GRIN3B: variants seen among roughly 807,000 people sequenced by gnomAD.
The protein encoded by GRIN3B is glutamate receptor ionotropic, NMDA 3B.
A neutral mutation model predicts 66.0 loss-of-function variants in GRIN3B; 77 were observed. The ratio of observed to expected loss-of-function variants is 1.17; its 90% CI spans 0.97 to 1.41. The LOEUF is 1.41. GRIN3B is among the 40% of genes most tolerant of loss of function. The probability of loss-of-function intolerance (pLI) is 0.00; values close to 1 mark genes in which losing one functional copy is unlikely to be tolerated. For synonymous variants in GRIN3B, 823 were observed against 749.7 expected, an observed-to-expected ratio of 1.10 and a Z score of -1.60; for missense variants, 1,787 against 1,564.5, an observed-to-expected ratio of 1.14 and a Z score of -2.40.
At position 1,007,112 on chromosome 19, in the gene GRIN3B, G is replaced by T. The variant is rs2038758159; in HGVS notation, c.2053-516G>T. On this transcript the variant is annotated intron_variant, in intron 3 of 8. Coordinates refer to ENST00000234389, the MANE Select transcript of GRIN3B (RefSeq NM_138690.3). This position sits in a 1 kb window ranked among gnomAD's most constrained non-coding sequence, Gnocchi z 4.4. ...CGACGCTGGGCCCCAACCTGGGTAG[G>T]AGCTGTGGAGGGGTGAGCAGTGGGC... is the stretch of plus-strand genomic sequence containing the variant. Among the ~76,000 whole-genome samples, 1 of 152,170 alleles carries T rather than the reference G, an allele frequency of 6.6e-6. No homozygotes were observed. Among genetic ancestry groups the T allele is most frequent in the South Asian group, 2.1e-4 (1 of 4,830 alleles).
rs141844970 is a variant in GRIN3B at position 1,005,390 on chromosome 19, G to A, written c.1889G>A (p.Arg630His). The A allele has an allele frequency of 9.9e-6, 16 of 1,613,586 alleles. No homozygotes were observed. The highest frequency in any genetic ancestry group is 3.3e-5 in the Admixed American group (2 of 60,004). The change falls in exon 3 of 9, where the codon CGC becomes CAC. Residue 630 changes from arginine to histidine, a missense_variant. By Grantham distance (29) the Arg-to-His change is conservative. Transcript: ENST00000234389. This position sits in a 1 kb window ranked among gnomAD's most constrained non-coding sequence, Gnocchi z 5.2. ...CTGTGCTACGCCATCCTCTTCAGACGCACCGTGTCCAGCAAGACGCCCAAG... is the reference window on the plus strand; with the variant it reads ...CTGTGCTACGCCATCCTCTTCAGACACACCGTGTCCAGCAAGACGCCCAAG... The part of the protein sequence containing the change: ...LNLCYAILFR[R>H]TVSSKTPKCP...
chr19:1,009,684 A>G lies in GRIN3B; in HGVS notation c.*82A>G, dbSNP rs1179083154. The G allele has an allele frequency of 1.7e-6, 2 of 1,154,348 alleles. No homozygotes were observed. The highest frequency in any genetic ancestry group is 2.3e-6 in the Non-Finnish European group (2 of 882,378). 71.5% of individuals were successfully genotyped at this position (1,154,348 alleles called of 1,614,324 possible). A position where few individuals can be genotyped will look rare whatever the true frequency, so the allele number is the denominator to read the frequency against. On this transcript the variant is annotated 3_prime_UTR_variant, in exon 9 of 9. Transcript: ENST00000234389. ...CAACAGACAGTTTATTCTATATACA[A>G]ACACAATTTTGTACACTGCAATTAA...
chr19:1,002,897 A>T, intron 1 of GRIN3B: 3 of 411,978 alleles, frequency 7.3e-6, no homozygotes, highest in Non-Finnish European at 4.3e-6. Context: ...AAAAACACCA[A>T]GTGTGCCCAT....
chr19:1,005,199 C>T lies in GRIN3B; in HGVS notation c.1698C>T (p.Ile566=), dbSNP rs368382957. The change falls in exon 3 of 9, where the codon ATC becomes ATT. Residue 566 remains isoleucine, a synonymous_variant. Transcript: ENST00000234389. This position sits in a 1 kb window ranked among gnomAD's most constrained non-coding sequence, Gnocchi z 5.2. Reference sequence around the variant, plus strand: ...GGGCACGGGACACGGCCTCACCCATCGGTGCCTTTATGTGGCCCCTGCACT... The same window carrying T: ...GGGCACGGGACACGGCCTCACCCATTGGTGCCTTTATGTGGCCCCTGCACT... ...MVRARDTASP[I]GAFMWPLHWS... The T allele has an allele frequency of 2.2e-5, 35 of 1,613,430 alleles. No homozygotes were observed. The East Asian group carries it at 3.8e-4, about 17-fold the overall frequency.
chr19:1,007,642 G>A lies in GRIN3B; in HGVS notation c.2067G>A (p.Ala689=), dbSNP rs1195193059. The change falls in exon 4 of 9, where the codon GCG becomes GCA. Residue 689 remains alanine, a synonymous_variant. Transcript: ENST00000234389. This position sits in a 1 kb window ranked among gnomAD's most constrained non-coding sequence, Gnocchi z 4.4. ...CCCCCGCGCAGCTGCACCACCCGGC[G>A]CAGGGCTTCCGCTTCGGCACCGTGT... The part of the protein sequence containing the change: ...GIHDPKLHHP[A]QGFRFGTVWE... 1.3e-6 allele frequency: 2 copies of A among 1,520,726 alleles called. No individual in the cohort carries two copies. The highest frequency in any genetic ancestry group is 1.8e-6 in the Non-Finnish European group (2 of 1,137,202). The allele number at this position is 1,520,726 out of a possible 1,614,324, so 94.2% of individuals were successfully genotyped here. A position where few individuals can be genotyped will look rare whatever the true frequency, so the allele number is the denominator to read the frequency against.
rs10401454 is a variant in GRIN3B at position 1,009,586 on chromosome 19, C to T, written c.3116C>T (p.Pro1039Leu). 8 of 1,439,790 alleles carry T rather than the reference C, an allele frequency of 5.6e-6. No individual in the cohort carries two copies. In the East Asian group the frequency reaches 1.4e-4, roughly 25 times the overall value. 89.2% of individuals were successfully genotyped at this position (1,439,790 alleles called of 1,614,324 possible). A position where few individuals can be genotyped will look rare whatever the true frequency, so the allele number is the denominator to read the frequency against. Residue 1039 changes from proline (P) to leucine (L), a missense_variant, in exon 9 of 9, where the codon CCG becomes CTG. Transcript: ENST00000234389. ...GAGGCCCCACCACACTCTGGCCGAC[C>T]GGGGAGCCAGGAATGAGGCGGCAGC... is the stretch of plus-strand genomic sequence containing the variant. ...PAEAPPHSGR[P>L]GSQE
rs766018848 is a variant in GRIN3B, at chr19:1,004,673, A to C, written c.1172A>C (p.Asp391Ala). ...TGGGCCACGGTGGGCAGCTGGCGGG[A>C]CGGCCAGCTGGACTTGGAACCGGGA... ...PAWATVGSWR[D>A]GQLDLEPGGA... is the part of the protein sequence containing the mutation. Residue 391 changes from aspartate (D) to alanine (A), a missense_variant, in exon 3 of 9, where the codon GAC (aspartate) becomes GCC (alanine). Physicochemically the swap from Asp to Ala is moderately radical, Grantham distance 126. Transcript: ENST00000234389. 5.6e-6 allele frequency: 9 copies of C among 1,596,262 alleles called. No individual in the cohort carries two copies. The highest frequency in any genetic ancestry group is 1.7e-4 in the Middle Eastern group (1 of 6,042).
Position 1,004,754 on chromosome 19 carries a change from G to T in GRIN3B, c.1253G>T (p.Arg418Leu). ...GGTGCCCAGGTCTGGCCCAAGCTGCGTGTGGTAACGCTGTTGGAACACCCA... is the reference window on the plus strand; with the variant it reads ...GGTGCCCAGGTCTGGCCCAAGCTGCTTGTGGTAACGCTGTTGGAACACCCA... ...PQGAQVWPKLRVVTLLEHPFV... is the reference protein window; with the variant it reads ...PQGAQVWPKLLVVTLLEHPFV... The change falls in exon 3 of 9, where the codon CGT (arginine) becomes CTT (leucine). Residue 418 changes from arginine to leucine, a missense_variant. Physicochemically the swap from Arg to Leu is moderately radical, Grantham distance 102. Transcript: ENST00000234389. 6.2e-7 allele frequency: 1 copy of T among 1,611,376 alleles called. No individual in the cohort carries two copies.
Position 1,003,259 on chromosome 19 carries a change from G to A in GRIN3B, c.556G>A (p.Gly186Ser), listed in dbSNP as rs772376172. ...LALCRTQDPGGLVALWTSRAG... is the reference protein window; with the variant it reads ...LALCRTQDPGSLVALWTSRAG... ...CCTGTGCCGCACTCAGGACCCCGGCGGCCTGGTGGCCCTCTGGACAAGCCG... is the reference window on the plus strand; with the variant it reads ...CCTGTGCCGCACTCAGGACCCCGGCAGCCTGGTGGCCCTCTGGACAAGCCG... Residue 186 changes from glycine to serine, a missense_variant, in exon 2 of 9, where the codon GGC becomes AGC. Transcript: ENST00000234389. The A allele has an allele frequency of 2.2e-5, 35 of 1,572,384 alleles. No homozygotes were observed. The highest frequency in any genetic ancestry group is 2.1e-4 in the African/African-American group (15 of 72,600).
intron 1 of GRIN3B, 32 bp downstream of exon 1, chr19:1,000,895 G>A: frequency 7.4e-7 from 1 of 1,355,746 alleles, no homozygotes; most frequent in Non-Finnish European, 9.4e-7. Context: ...AGGACGAGGG[G>A]GACCCGGGGC....
Position 1,007,693 on chromosome 19 carries a change from C to G in GRIN3B, c.2118C>G (p.Ile706Met), listed in dbSNP as rs2038767176. ...GGGAGAGCAGCGCCGAGGCGTACAT[C>G]AAGAAGAGCTTCCCCGACATGCACG... is the stretch of plus-strand genomic sequence containing the variant. ...TVWESSAEAY[I>M]KKSFPDMHAH... Residue 706 changes from isoleucine (I) to methionine (M), a missense_variant, in exon 4 of 9, where the codon ATC becomes ATG. Physicochemically the swap from Ile to Met is conservative, Grantham distance 10. Coordinates refer to ENST00000234389, the MANE Select transcript of GRIN3B (RefSeq NM_138690.3). This position sits in a 1 kb window ranked among gnomAD's most constrained non-coding sequence, Gnocchi z 4.4. The G allele has an allele frequency of 1.3e-6, 2 of 1,537,600 alleles. No homozygotes were observed. The highest frequency in any genetic ancestry group is 4.0e-5 in the Admixed American group (2 of 50,116).
chr19:1,000,759 G>T lies in GRIN3B; in HGVS notation c.322G>T (p.Glu108Ter), dbSNP rs2038676183. The T allele has an allele frequency of 1.4e-6, 2 of 1,445,468 alleles. No homozygotes were observed. The highest frequency in any genetic ancestry group is 2.7e-5 in the South Asian group (2 of 74,734). The allele number at this position is 1,445,468 out of a possible 1,614,324, so 89.5% of individuals were successfully genotyped here. A position where few individuals can be genotyped will look rare whatever the true frequency, so the allele number is the denominator to read the frequency against. The change falls in exon 1 of 9, where the codon GAG becomes TAG. Residue 108 changes from glutamate (E) to a stop codon, truncating the protein, a stop_gained. Coordinates refer to ENST00000234389, the MANE Select transcript of GRIN3B (RefSeq NM_138690.3). LOFTEE classifies it high-confidence loss of function. Reference protein sequence around the residue: ...PGVAALLAFPEARPELLQLHF... With the variant: ...PGVAALLAFP ...CGTGGCGGCCCTGCTCGCCTTTCCC[G>T]AGGCTCGGCCCGAGCTGCTGCAGCT...
chr19:1,004,605 T>A lies in GRIN3B; in HGVS notation c.1104T>A (p.Phe368Leu). The stretch of plus-strand genomic sequence containing the variant: ...CCCAGGTACACATGTCTCGGCACTT[T>A]AAGGTGTGGAGCCTTCGCCGGGACC... The part of the protein sequence containing the change: ...GSSQVHMSRH[F>L]KVWSLRRDPR... The change falls in exon 3 of 9, where the codon TTT becomes TTA. Residue 368 changes from phenylalanine (F) to leucine (L), a missense_variant. Transcript: ENST00000234389. 1.2e-6 allele frequency: 2 copies of A among 1,608,228 alleles called. No homozygotes were observed. The highest frequency in any genetic ancestry group is 1.7e-6 in the Non-Finnish European group (2 of 1,178,042).
rs749225371 is a variant in GRIN3B at position 1,008,831 on chromosome 19, C to T, written c.2632-26C>T. 17 of 1,596,396 alleles carry T rather than the reference C, an allele frequency of 1.1e-5. No homozygotes were observed. In the African/African-American group the frequency reaches 2.0e-4, roughly 19 times the overall value. On this transcript the variant is annotated intron_variant, in intron 7 of 8. Coordinates refer to ENST00000234389, the MANE Select transcript of GRIN3B (RefSeq NM_138690.3). ...CGGCCCCACCCCCCCCGCCTCCTCG[C>T]CAACCGGGTCTGTCTGGGGTCTTAG...
rs2038720374 is a variant in GRIN3B, at chr19:1,004,585, G to A, written c.1084G>A (p.Val362Ile). The A allele has an allele frequency of 6.2e-7, 1 of 1,608,940 alleles. No homozygotes were observed. The highest frequency in any genetic ancestry group is 8.5e-7 in the Non-Finnish European group (1 of 1,178,374). Reference protein sequence around the residue: ...GPVWVTGSSQVHMSRHFKVWS... With the variant: ...GPVWVTGSSQIHMSRHFKVWS... The stretch of plus-strand genomic sequence containing the variant: ...CGTGTGGGTGACAGGCAGCTCCCAG[G>A]TACACATGTCTCGGCACTTTAAGGT... Residue 362 changes from valine (V) to isoleucine (I), a missense_variant, in exon 3 of 9, where the codon GTA (valine) becomes ATA (isoleucine). Transcript: ENST00000234389.
chr19:1,009,075 G>A, intron 8 of GRIN3B, 98 bp from the exon 9 acceptor site: 1 of 1,432,470 alleles, frequency 7.0e-7, no homozygotes, highest in Non-Finnish European at 9.3e-7. Context: ...CCCTGGTTGT[G>A]CCTGTCGGCC....
chr19:1,008,977 AC>A, intron 8 of GRIN3B, 50 bp downstream of exon 8: 1 of 1,553,570 alleles, frequency 6.4e-7, no homozygotes, highest in Non-Finnish European at 8.7e-7. Flanking sequence ...CAGACCCACC[AC>A]CCCACCAGCT....
chr19:1,003,376 C>T lies in GRIN3B; in HGVS notation c.673C>T (p.Pro225Ser). 6.4e-7 allele frequency: 1 copy of T among 1,569,534 alleles called. No homozygotes were observed. The highest frequency in any genetic ancestry group is 8.6e-7 in the Non-Finnish European group (1 of 1,162,794). The change falls in exon 2 of 9, where the codon CCA becomes TCA. Residue 225 changes from proline (P) to serine (S), a missense_variant. By Grantham distance (74) the Pro-to-Ser change is moderately conservative. Transcript: ENST00000234389. ...LRARLAPMAA[P>S]VGGEAPVPAA... is the part of the protein sequence containing the mutation. ...GGCACGCCTGGCCCCGATGGCGGCGCCAGTGGGGGGTGAAGCACCGGTACC... is the reference window on the plus strand; with the variant it reads ...GGCACGCCTGGCCCCGATGGCGGCGTCAGTGGGGGGTGAAGCACCGGTACC...
At chr19:1,008,116 C>T (rs1428041431) in intron 5 of GRIN3B, 24 bp from the exon 6 acceptor site, 1 of 1,576,668 alleles carries the variant, frequency 6.3e-7, no homozygotes, top group African/African-American at 1.3e-5. Context: ...CACCTGGCCC[C>T]ACCGCCTGGC....
Sources: allele counts gnomAD v4.1 joint callset (sites outside exome capture counted in the v4.1 genomes callset), GRCh38; gene constraint gnomAD v4.1.1; non-coding constraint Gnocchi (gnomAD v3.1); transcripts MANE v1.5; gene names NCBI Gene and HGNC (gene_info 2026-07-23, HGNC 2026-07-21).